EIF2B3: variants seen among roughly 807,000 people sequenced by gnomAD.
The protein encoded by EIF2B3 is translation initiation factor eIF2B subunit gamma.
In EIF2B3, 20 loss-of-function variants were observed where a neutral mutation model predicts 54.1. That is an observed-to-expected ratio of 0.37 (90% CI 0.26 to 0.54). EIF2B3 has a LOEUF of 0.54. Ranked by LOEUF, EIF2B3 falls within the 20% of genes least tolerant of loss-of-function variation. The pLI is 0.86. For synonymous variants in EIF2B3, 153 were observed against 188.1 expected (o/e 0.81, Z 1.52); for missense variants, 448 against 547.8 (o/e 0.82, Z 1.82).
chr1:44,919,250 T>G (rs1051317756), intron 5 of EIF2B3, among the ~76,000 whole-genome samples: 5 of 151,576 alleles, frequency 3.3e-5, no homozygotes, highest in Admixed American at 2.6e-4. Flanking sequence ...CTCGGGAGGC[T>G]GAGGCAGGAG....
At position 44,850,888 on chromosome 1, in the gene EIF2B3, G is replaced by A; in HGVS notation, c.*63C>T. ...TGGGAAATAAATACAGAGTTAAACAGGTGGGCCGGCCAACATCTGTGGCTT... is the reference window on the plus strand; with the variant it reads ...TGGGAAATAAATACAGAGTTAAACAAGTGGGCCGGCCAACATCTGTGGCTT... On this transcript the variant is annotated 3_prime_UTR_variant, in exon 12 of 12. Coordinates refer to ENST00000360403, the MANE Select transcript of EIF2B3 (RefSeq NM_020365.5). 6.4e-7 allele frequency: 1 copy of A among 1,567,042 alleles called. No homozygotes were observed.
intron 8 of EIF2B3, among the ~76,000 whole-genome samples, chr1:44,877,211 A>AAAAAC (rs1655217850): frequency 6.7e-6 from 1 of 148,922 alleles, no homozygotes; most frequent in Non-Finnish European, 1.5e-5. Flanking sequence ...AAAAAAAAAA[A>AAAAAC]AAAAAAAAAA....
intron 8 of EIF2B3, among the ~76,000 whole-genome samples, chr1:44,876,030 C>T (rs954719332): frequency 1.3e-5 from 2 of 152,256 alleles, no homozygotes; most frequent in African/African-American, 4.8e-5. Flanking sequence ...GAGTGATCCG[C>T]CAGCCTCGGC....
At chr1:44,866,430 G>A (rs1479138715) in intron 10 of EIF2B3, among the ~76,000 whole-genome samples, 1 of 151,576 alleles carries the variant, frequency 6.6e-6, no homozygotes, top group Admixed American at 6.6e-5. Flanking sequence ...CTATATTGAA[G>A]GCATTTATAG....
chr1:44,942,336 A>G (rs1000482638), intron 3 of EIF2B3, among the ~76,000 whole-genome samples: 11 of 135,820 alleles, frequency 8.1e-5, no homozygotes, highest in African/African-American at 3.1e-4. Flanking sequence ...TGAATAAATC[A>G]ACGAAGAAAA....
intron 5 of EIF2B3, among the ~76,000 whole-genome samples, chr1:44,920,074 G>A (rs1360117303): frequency 6.9e-6 from 1 of 145,460 alleles, no homozygotes; most frequent in African/African-American, 2.6e-5. Context: ...TCCCTCTGTC[G>A]TTCAGGCTGG....
chr1:44,854,053 A>C lies in EIF2B3; in HGVS notation c.1307-3050T>G, dbSNP rs189369169. Among the ~76,000 whole-genome samples, 3 of 140,518 alleles carry C rather than the reference A, an allele frequency of 2.1e-5. No individual in the cohort carries two copies. The East Asian group carries it at 6.2e-4, about 29-fold the overall frequency. The allele number at this position is 140,518 out of a possible 152,430, so 92.2% of individuals were successfully genotyped here. A position where few individuals can be genotyped will look rare whatever the true frequency, so the allele number is the denominator to read the frequency against. Reference sequence around the variant, plus strand: ...AGTCTTGCTCTGTTGCCCAGGCTGGAGTGCAGTGGTATGATCTCTGCTCAC... The same window carrying C: ...AGTCTTGCTCTGTTGCCCAGGCTGGCGTGCAGTGGTATGATCTCTGCTCAC... On this transcript the variant is annotated intron_variant, in intron 11 of 11. Coordinates refer to ENST00000360403, the MANE Select transcript of EIF2B3 (RefSeq NM_020365.5).
chr1:44,850,891 G>C lies in EIF2B3; in HGVS notation c.*60C>G. 1.3e-6 allele frequency: 2 copies of C among 1,566,214 alleles called. No individual in the cohort carries two copies. Among genetic ancestry groups the C allele is most frequent in the Non-Finnish European group, 1.8e-6 (2 of 1,136,488 alleles). ...GAAATAAATACAGAGTTAAACAGGT[G>C]GGCCGGCCAACATCTGTGGCTTTGG... On this transcript the variant is annotated 3_prime_UTR_variant, in exon 12 of 12. Coordinates refer to ENST00000360403, the MANE Select transcript of EIF2B3 (RefSeq NM_020365.5).
Position 44,874,665 on chromosome 1 carries a change from G to C in EIF2B3, c.1202+13C>G. On this transcript the variant is annotated intron_variant, in intron 10 of 11. Coordinates refer to ENST00000360403, the MANE Select transcript of EIF2B3 (RefSeq NM_020365.5). Reference sequence around the variant, plus strand: ...ATTATCTTTGCCTCAAGTGGGTACAGGGGGAAACATACCCTTCCTCCACAG... The same window carrying C: ...ATTATCTTTGCCTCAAGTGGGTACACGGGGAAACATACCCTTCCTCCACAG... 6.2e-7 allele frequency: 1 copy of C among 1,613,984 alleles called. No individual in the cohort carries two copies. The highest frequency in any genetic ancestry group is 8.5e-7 in the Non-Finnish European group (1 of 1,179,892).
At chr1:44,863,562 T>A (rs945839410) in intron 10 of EIF2B3, among the ~76,000 whole-genome samples, 15 of 152,128 alleles carry the variant, frequency 9.9e-5, no homozygotes, top group Non-Finnish European at 1.6e-4. Flanking sequence ...TGAAATATTT[T>A]AAGTATAGAA....
intron 6 of EIF2B3, among the ~76,000 whole-genome samples, chr1:44,894,942 T>C (rs1355419268): frequency 6.6e-6 from 1 of 152,184 alleles, no homozygotes. Flanking sequence ...CAATCCCATC[T>C]CCCACAACCT....
At chr1:44,958,600 G>A (rs1644251590) in intron 3 of EIF2B3, 2 of 1,466,236 alleles carry the variant, frequency 1.4e-6, no homozygotes, top group Non-Finnish European at 1.9e-6. Flanking sequence ...TATCAAAAGT[G>A]TGGCATCAAA....
At chr1:44,963,256 C>T (rs1439757310) in intron 3 of EIF2B3, among the ~76,000 whole-genome samples, 1 of 151,548 alleles carries the variant, frequency 6.6e-6, no homozygotes, top group East Asian at 1.9e-4. Context: ...AAAAAAAAAC[C>T]CCAGAAAACC....
rs34314171 is a variant in EIF2B3, at chr1:44,852,115, A to ATTT, written c.1307-1115_1307-1113dup. Among the ~76,000 whole-genome samples, 336 of 133,258 alleles carry ATTT rather than the reference A, an allele frequency of 2.5e-3. 1 individual carries two copies. Among genetic ancestry groups the ATTT allele is most frequent in the African/African-American group, 8.9e-3 (318 of 35,844 alleles). The allele number at this position is 133,258 out of a possible 152,430, so 87.4% of individuals were successfully genotyped here. On this transcript the variant is annotated intron_variant, in intron 11 of 11. Transcript: ENST00000360403. ...AGGCATATGACGCCACACATGGCTA[A>ATTT]TTTTTTTTTTTTTTTTTTTTGTATT...
At chr1:44,953,079 G>A (rs546139215) in intron 3 of EIF2B3, among the ~76,000 whole-genome samples, 2 of 149,566 alleles carry the variant, frequency 1.3e-5, no homozygotes, top group Non-Finnish European at 3.0e-5. Flanking sequence ...CTCCTCTTTG[G>A]GATCACTCCC....
chr1:44,974,362 A>G (rs1190721876), intron 3 of EIF2B3, among the ~76,000 whole-genome samples: 2 of 151,544 alleles, frequency 1.3e-5, no homozygotes, highest in Admixed American at 6.6e-5. Context: ...AGTCTCAGCT[A>G]CTTGGGAGGC....
intron 3 of EIF2B3, among the ~76,000 whole-genome samples, chr1:44,969,467 A>G (rs920802982): frequency 1.4e-4 from 22 of 152,224 alleles, no homozygotes; most frequent in African/African-American, 5.1e-4. Flanking sequence ...TCAAACACTG[A>G]TTAGATACTT....
At chr1:44,979,519 G>A (rs551528948) in intron 2 of EIF2B3, among the ~76,000 whole-genome samples, 17 of 149,506 alleles carry the variant, frequency 1.1e-4, no homozygotes, top group African/African-American at 3.9e-4. Flanking sequence ...AATTATCCAG[G>A]TGTGGTGGCA....
chr1:44,862,819 G>A (rs1034211815), intron 10 of EIF2B3, among the ~76,000 whole-genome samples: 3 of 151,990 alleles, frequency 2.0e-5, no homozygotes, highest in Non-Finnish European at 1.5e-5. Flanking sequence ...GGCTGGTCTC[G>A]AATGCCTGAC....
Sources: allele counts gnomAD v4.1 joint callset (sites outside exome capture counted in the v4.1 genomes callset), GRCh38; gene constraint gnomAD v4.1.1; transcripts MANE v1.5; gene names NCBI Gene and HGNC (gene_info 2026-07-23, HGNC 2026-07-21).